CSMD1: variants seen among roughly 807,000 people sequenced by gnomAD.
The protein encoded by CSMD1 is CUB and sushi domain-containing protein 1.
CSMD1 carries 213 observed loss-of-function variants against 417.5 expected under a neutral mutation model. The observed-to-expected ratio is 0.51, with a 90% CI of 0.46 to 0.57. The LOEUF is 0.57. Ranked by LOEUF, CSMD1 falls within the 20% of genes least tolerant of loss-of-function variation. The pLI is 0.00. For synonymous variants in CSMD1, 2,862 were observed against 1,736.8 expected (o/e 1.65, Z -16.11); for missense variants, 6,923 against 4,529.7 (o/e 1.53, Z -15.17).
At chr8:3,836,617 G>A (rs569613423) in intron 5 of CSMD1, among the ~76,000 whole-genome samples, 1 of 152,094 alleles carries the variant, frequency 6.6e-6, no homozygotes, top group Non-Finnish European at 1.5e-5. Context: ...TTACTAAATG[G>A]TATTTGACCT....
chr8:3,221,418 T>G (rs1177858984), intron 28 of CSMD1, among the ~76,000 whole-genome samples: 1 of 152,116 alleles, frequency 6.6e-6, no homozygotes, highest in South Asian at 2.1e-4. Context: ...GTATTTAGAG[T>G]ATTGGCAAGG....
chr8:3,959,229 G>A (rs1394577439), intron 5 of CSMD1, among the ~76,000 whole-genome samples: 1 of 152,226 alleles, frequency 6.6e-6, no homozygotes, highest in Non-Finnish European at 1.5e-5. Flanking sequence ...ACAGAGCAGG[G>A]TGGGACACGT....
intron 12 of CSMD1, among the ~76,000 whole-genome samples, chr8:3,462,389 C>G (rs1301626173): frequency 6.6e-6 from 1 of 152,180 alleles, no homozygotes; most frequent in African/African-American, 2.4e-5. Context: ...GGCCACACAG[C>G]AGGAGGTGAG....
chr8:4,448,418 GAT>G (rs1223503709), intron 2 of CSMD1, among the ~76,000 whole-genome samples: 1 of 152,156 alleles, frequency 6.6e-6, no homozygotes, highest in Non-Finnish European at 1.5e-5. Context: ...TGTGTGCCCT[GAT>G]GCAGATTGGA....
intron 2 of CSMD1, among the ~76,000 whole-genome samples, chr8:4,578,360 T>A (rs930643283): frequency 2.1e-5 from 3 of 144,694 alleles, no homozygotes; most frequent in Admixed American, 1.4e-4. Flanking sequence ...TTTTTTTTTT[T>A]AGGACAGACG....
chr8:3,376,588 A>G (rs889125899), intron 18 of CSMD1, among the ~76,000 whole-genome samples: 2 of 151,984 alleles, frequency 1.3e-5, no homozygotes, highest in South Asian at 2.1e-4. Flanking sequence ...TGTTGTTAAA[A>G]CTATCTTTCT....
At chr8:3,349,900 ATATTTATATATATTTATATATTATATTAT>A (rs1451869036) in intron 21 of CSMD1, among the ~76,000 whole-genome samples, 10 of 90,852 alleles carry the variant, frequency 1.1e-4, no homozygotes, top group African/African-American at 3.6e-4. Flanking sequence ...TTTATAATAT[ATATTTATATATATTTATATATTATATTAT>A]ATATAATATA....
chr8:3,041,764 A>C (rs1488332466), intron 50 of CSMD1, among the ~76,000 whole-genome samples: 1 of 152,136 alleles, frequency 6.6e-6, no homozygotes, highest in Non-Finnish European at 1.5e-5. Flanking sequence ...ATAGTTCAAC[A>C]CAGCACAGCG....
intron 60 of CSMD1, among the ~76,000 whole-genome samples, chr8:2,962,929 T>A (rs545956472): frequency 6.6e-6 from 1 of 152,120 alleles, no homozygotes; most frequent in East Asian, 1.9e-4. Context: ...ACACCTGTAG[T>A]CCCAGCTACT....
intron 8 of CSMD1, among the ~76,000 whole-genome samples, chr8:3,586,499 T>A (rs1800608604): frequency 6.6e-6 from 1 of 151,966 alleles, no homozygotes; most frequent in Non-Finnish European, 1.5e-5. Flanking sequence ...AACAAACACA[T>A]GAACCTTAAC....
chr8:4,712,330 G>C (rs918226005), intron 1 of CSMD1, among the ~76,000 whole-genome samples: 2 of 152,116 alleles, frequency 1.3e-5, no homozygotes, highest in African/African-American at 2.4e-5. Context: ...TTCCAACCAC[G>C]CATTTCCAGA....
Position 2,937,001 on chromosome 8 carries a change from C to G in CSMD1, c.*1584G>C, listed in dbSNP as rs1025601638. ...CACAATTGAATAGGAACTGAAATAT[C>G]AAATAATAAAATAAGTACTATCGTT... On this transcript the variant is annotated 3_prime_UTR_variant, in exon 70 of 70. Coordinates refer to ENST00000635120, the MANE Select transcript of CSMD1 (RefSeq NM_033225.6). The G allele has an allele frequency of 6.6e-6, 1 of 152,112 alleles. No homozygotes were observed. Among genetic ancestry groups the G allele is most frequent in the Non-Finnish European group, 1.5e-5 (1 of 68,026 alleles). The allele number at this position is 152,112 out of a possible 1,614,324, so 9.4% of individuals were successfully genotyped here.
At chr8:3,987,238 T>C (rs1341914741) in intron 5 of CSMD1, among the ~76,000 whole-genome samples, 1 of 152,214 alleles carries the variant, frequency 6.6e-6, no homozygotes, top group African/African-American at 2.4e-5. Flanking sequence ...CCTGTGAACA[T>C]GCTTCCCATG....
At position 4,036,961 on chromosome 8, in the gene CSMD1, GTGTGTGT is replaced by G. The variant is rs1563347445; in HGVS notation, c.416-4869_416-4863del. The stretch of plus-strand genomic sequence containing the variant: ...CCTAGTATGGGTGAGTGTGGGGTGT[GTGTGTGT>G]GTGTGTGTGTGTGTGTGTGTGTGTG... On this transcript the variant is annotated intron_variant, in intron 3 of 69. Coordinates refer to ENST00000635120, the MANE Select transcript of CSMD1 (RefSeq NM_033225.6). Among the ~76,000 whole-genome samples, 45 of 11,670 alleles carry G rather than the reference GTGTGTGT, an allele frequency of 3.9e-3. No homozygotes were observed. The East Asian group carries it at 0.048, about 12-fold the overall frequency. The allele number at this position is 11,670 out of a possible 152,430, so 7.7% of individuals were successfully genotyped here.
rs551673341 is a variant in CSMD1, at chr8:4,447,917, TGAC to T, written c.303-27855_303-27853del. 2.0e-3 allele frequency among the ~76,000 whole-genome samples: 299 copies of T among 152,316 alleles called. 1 individual carries two copies. Among genetic ancestry groups the T allele is most frequent in the Non-Finnish European group, 2.0e-3 (133 of 68,030 alleles). ...TGTTCGATTACTCATCTTTCGGAAA[TGAC>T]GACAATTACCACACTCACCATATTT... On this transcript the variant is annotated intron_variant, in intron 2 of 69. Transcript: ENST00000635120.
intron 6 of CSMD1, among the ~76,000 whole-genome samples, chr8:3,730,451 GCTGT>G (rs1802779794): frequency 6.7e-6 from 1 of 148,428 alleles, no homozygotes; most frequent in East Asian, 2.0e-4. Context: ...AGCAAAGACT[GCTGT>G]CTAAGAAGGC....
At chr8:4,016,423 G>A (rs1181296748) in intron 4 of CSMD1, among the ~76,000 whole-genome samples, 3 of 152,140 alleles carry the variant, frequency 2.0e-5, no homozygotes, top group Non-Finnish European at 4.4e-5. Flanking sequence ...TGACCCTGCA[G>A]CTGCACTGAG....
At chr8:3,723,648 T>C (rs927578505) in intron 6 of CSMD1, among the ~76,000 whole-genome samples, 1 of 121,554 alleles carries the variant, frequency 8.2e-6, no homozygotes, top group African/African-American at 2.8e-5. Flanking sequence ...TGTCTGTCTT[T>C]GTAACTTCCC....
At chr8:4,182,354 C>T (rs1289373679) in intron 3 of CSMD1, among the ~76,000 whole-genome samples, 1 of 152,138 alleles carries the variant, frequency 6.6e-6, no homozygotes, top group East Asian at 1.9e-4. Flanking sequence ...ACACCTTCCA[C>T]ATGCCTTACC....
Sources: gnomAD v4.1 joint callset for allele counts (sites outside exome capture counted in the v4.1 genomes callset) on GRCh38, gnomAD v4.1.1 for gene constraint, MANE v1.5 for transcripts, NCBI Gene and HGNC (gene_info 2026-07-23, HGNC 2026-07-21) for gene names.